DPP10: variants seen among roughly 807,000 people sequenced by gnomAD.
DPP10 encodes dipeptidyl peptidase like 10.
Under a neutral mutation model 120.9 loss-of-function variants are expected in DPP10, and 33 were observed. That is an observed-to-expected ratio of 0.27 (90% CI 0.21 to 0.37). The LOEUF is 0.37. Ranked by LOEUF, DPP10 falls within the 10% of genes least tolerant of loss-of-function variation. The probability of loss-of-function intolerance (pLI) is 1.00; values close to 1 mark genes in which losing one functional copy is unlikely to be tolerated. For synonymous variants in DPP10, 337 were observed against 326.1 expected, an observed-to-expected ratio of 1.03 and a Z score of -0.36; for missense variants, 816 against 942.8, an observed-to-expected ratio of 0.87 and a Z score of 1.76.
intron 1 of DPP10, among the ~76,000 whole-genome samples, chr2:115,058,927 G>C (rs1706169798): frequency 6.6e-6 from 1 of 152,062 alleles, no homozygotes; most frequent in Non-Finnish European, 1.5e-5. Context: ...GCCTTCAGCG[G>C]AACACTCTCC....
intron 1 of DPP10, among the ~76,000 whole-genome samples, chr2:114,982,696 G>A (rs1452848065): frequency 2.0e-5 from 3 of 151,494 alleles, no homozygotes; most frequent in African/African-American, 7.3e-5. Context: ...TACGTCCCAG[G>A]CTCAATCCAT....
intron 1 of DPP10, among the ~76,000 whole-genome samples, chr2:114,625,068 C>T (rs1694408947): frequency 6.6e-6 from 1 of 151,962 alleles, no homozygotes; most frequent in Non-Finnish European, 1.5e-5. Flanking sequence ...CCAGATTCTG[C>T]TCAAAATTAT....
chr2:114,852,665 T>A (rs1320345027), intron 1 of DPP10, among the ~76,000 whole-genome samples: 1 of 152,114 alleles, frequency 6.6e-6, no homozygotes, highest in Non-Finnish European at 1.5e-5. Flanking sequence ...ATGGATATCG[T>A]GGAACAACTG....
At chr2:115,392,952 G>A (rs532669763) in intron 3 of DPP10, among the ~76,000 whole-genome samples, 1 of 152,074 alleles carries the variant, frequency 6.6e-6, no homozygotes, top group Non-Finnish European at 1.5e-5. Context: ...TAAAGTTATT[G>A]TTATGATTTG....
chr2:114,723,500 C>T lies in DPP10; in HGVS notation c.60+280662C>T, dbSNP rs550831189. Among the ~76,000 whole-genome samples, 9 of 152,276 alleles carry T rather than the reference C, an allele frequency of 5.9e-5. 2 individuals carry two copies. In the South Asian group the frequency reaches 1.7e-3, roughly 28 times the overall value. On this transcript the variant is annotated intron_variant, in intron 1 of 25. Transcript: ENST00000410059. Reference sequence around the variant, plus strand: ...CTTGGAATCTTTGGCTCACTTCAACCGTAACTTCTCTATAATAAAAAGTAA... The same window carrying T: ...CTTGGAATCTTTGGCTCACTTCAACTGTAACTTCTCTATAATAAAAAGTAA...
intron 1 of DPP10, among the ~76,000 whole-genome samples, chr2:115,081,662 C>T (rs1019031484): frequency 1.3e-5 from 2 of 151,884 alleles, no homozygotes; most frequent in African/African-American, 4.8e-5. Flanking sequence ...AGTCTAGCAC[C>T]TTGTTGTCAT....
chr2:114,820,783 G>A (rs1686023119), intron 1 of DPP10, among the ~76,000 whole-genome samples: 1 of 152,146 alleles, frequency 6.6e-6, no homozygotes, highest in African/African-American at 2.4e-5. Context: ...ACAAAACATG[G>A]GGATTATGGG....
chr2:114,964,711 T>C (rs1443652440), intron 1 of DPP10, among the ~76,000 whole-genome samples: 1 of 152,096 alleles, frequency 6.6e-6, no homozygotes, highest in East Asian at 1.9e-4. Flanking sequence ...AGAAAGGCAA[T>C]GGAGCAGCAG....
rs983697428 is a variant in DPP10, at chr2:114,461,967, G to C, written c.60+19129G>C. ...AAATAATGAGGCCTCGACCATCTAA[G>C]ATACAGAAGTCTCCCTGCTGAATCG... On this transcript the variant is annotated intron_variant, in intron 1 of 25. Coordinates refer to ENST00000410059, the MANE Select transcript of DPP10 (RefSeq NM_020868.6). 6.1e-6 allele frequency: 6 copies of C among 985,290 alleles called. No individual in the cohort carries two copies. The South Asian group carries it at 2.8e-4, about 46-fold the overall frequency. The allele number at this position is 985,290 out of a possible 1,614,324, so 61.0% of individuals were successfully genotyped here.
Position 114,816,587 on chromosome 2 carries a change from T to C in DPP10, c.60+373749T>C, listed in dbSNP as rs186463336. ...TTGATTGTGTTGCTCCGTTTTATTG[T>C]TTTCTTATTATTTATAACCTCAATT... On this transcript the variant is annotated intron_variant, in intron 1 of 25. Coordinates refer to ENST00000410059, the MANE Select transcript of DPP10 (RefSeq NM_020868.6). Among the ~76,000 whole-genome samples the C allele has an allele frequency of 5.8e-4, 88 of 152,330 alleles. 1 individual carries two copies. Among genetic ancestry groups the C allele is most frequent in the Admixed American group, 5.2e-3 (79 of 15,286 alleles).
intron 1 of DPP10, among the ~76,000 whole-genome samples, chr2:114,539,617 G>A (rs2104793622): frequency 6.6e-6 from 1 of 152,270 alleles, no homozygotes; most frequent in East Asian, 1.9e-4. Flanking sequence ...TTCAGCTTCA[G>A]TGTCATCTCT....
chr2:114,534,235 T>C (rs1427489832), intron 1 of DPP10, among the ~76,000 whole-genome samples: 1 of 152,204 alleles, frequency 6.6e-6, no homozygotes, highest in Non-Finnish European at 1.5e-5. Flanking sequence ...CATAGCTTTA[T>C]GTTCCTTTTT....
intron 1 of DPP10, among the ~76,000 whole-genome samples, chr2:115,260,318 G>T (rs1028010058): frequency 3.3e-5 from 5 of 152,058 alleles, no homozygotes; most frequent in Non-Finnish European, 5.9e-5. Flanking sequence ...CATTCCGTTG[G>T]TAATAATTTG....
rs1191766270 is a variant in DPP10 at position 115,639,826 on chromosome 2, T to C, written c.442-49861T>C. 4.6e-5 allele frequency among the ~76,000 whole-genome samples: 7 copies of C among 152,140 alleles called. 1 individual carries two copies. In the South Asian group the frequency reaches 1.2e-3, roughly 27 times the overall value. On this transcript the variant is annotated intron_variant, in intron 5 of 25. Transcript: ENST00000410059. ...TTCTGTGCAGTCTAGTTGGGAAATA[T>C]ATGATTCGCAGAGTGACAGATTCAT...
intron 5 of DPP10, among the ~76,000 whole-genome samples, chr2:115,534,051 T>G (rs2078639907): frequency 6.6e-6 from 1 of 152,064 alleles, no homozygotes; most frequent in African/African-American, 2.4e-5. Context: ...AAGTTACTAA[T>G]GTATTTATCA....
intron 3 of DPP10, among the ~76,000 whole-genome samples, chr2:115,393,454 C>T (rs2067460835): frequency 6.6e-6 from 1 of 152,166 alleles, no homozygotes; most frequent in African/African-American, 2.4e-5. Flanking sequence ...GAAACTGAAG[C>T]CACCTTCCAC....
intron 3 of DPP10, among the ~76,000 whole-genome samples, chr2:115,407,765 T>C (rs1367561324): frequency 6.6e-6 from 1 of 152,126 alleles, no homozygotes; most frequent in Non-Finnish European, 1.5e-5. Flanking sequence ...AGTTTAAGGT[T>C]TGTGAAATTA....
chr2:115,501,223 C>T (rs964167400), intron 4 of DPP10, among the ~76,000 whole-genome samples: 1 of 152,064 alleles, frequency 6.6e-6, no homozygotes, highest in African/African-American at 2.4e-5. Context: ...CTCATTTACA[C>T]AAGTCAGTGA....
At chr2:115,196,801 GTGTGGT>G (rs1407944386) in intron 1 of DPP10, among the ~76,000 whole-genome samples, 3 of 152,162 alleles carry the variant, frequency 2.0e-5, no homozygotes, top group Non-Finnish European at 4.4e-5. Flanking sequence ...GGATGTGTGG[GTGTGGT>G]ATGCAAGCTA....
Sources: gnomAD v4.1 joint callset for allele counts (sites outside exome capture counted in the v4.1 genomes callset) on GRCh38, gnomAD v4.1.1 for gene constraint, MANE v1.5 for transcripts, NCBI Gene and HGNC (gene_info 2026-07-23, HGNC 2026-07-21) for gene names.